Variants in NDUFAF2 observed in about 807,000 individuals in gnomAD.
NDUFAF2 encodes the protein NADH:ubiquinone oxidoreductase complex assembly factor 2.
Under a neutral mutation model 22.8 loss-of-function variants are expected in NDUFAF2, and 13 were observed. The observed-to-expected ratio is 0.57, with a 90% CI of 0.37 to 0.91. NDUFAF2 has a LOEUF of 0.91. NDUFAF2 is among the 40% of genes least tolerant of loss of function. NDUFAF2 has a pLI of 0.01. For missense variants in NDUFAF2, 162 were observed against 195.2 expected, an observed-to-expected ratio of 0.83 and a Z score of 1.01; for synonymous variants, 53 against 64.2, an observed-to-expected ratio of 0.83 and a Z score of 0.84.
intron 1 of NDUFAF2, among the ~76,000 whole-genome samples, chr5:60,961,040 T>G (rs1460777166): frequency 2.0e-5 from 3 of 152,136 alleles, no homozygotes; most frequent in Non-Finnish European, 4.4e-5. Context: ...AAATTATTAT[T>G]GTTGATGGTA....
At chr5:60,948,948 C>G (rs538879169) in intron 1 of NDUFAF2, among the ~76,000 whole-genome samples, 1 of 152,264 alleles carries the variant, frequency 6.6e-6, no homozygotes, top group South Asian at 2.1e-4. Context: ...CTTATCAACA[C>G]TTGGTATGGT....
chr5:61,021,700 T>A (rs1300209826), intron 1 of NDUFAF2, among the ~76,000 whole-genome samples: 1 of 152,228 alleles, frequency 6.6e-6, no homozygotes, highest in African/African-American at 2.4e-5. Flanking sequence ...TTTATGTGTT[T>A]AACAGTATTT....
intron 3 of NDUFAF2, among the ~76,000 whole-genome samples, chr5:61,107,746 A>G (rs1043145173): frequency 6.7e-6 from 1 of 150,152 alleles, no homozygotes; most frequent in African/African-American, 2.5e-5. Flanking sequence ...TACACGTGCC[A>G]TGCTGGTGCG....
intron 3 of NDUFAF2, among the ~76,000 whole-genome samples, chr5:61,151,403 A>T (rs1243425483): frequency 3.3e-5 from 5 of 152,176 alleles, no homozygotes; most frequent in Non-Finnish European, 4.4e-5. Flanking sequence ...CATTACAAAT[A>T]ACATATTCTT....
chr5:60,946,789 C>A (rs1305968269), intron 1 of NDUFAF2, among the ~76,000 whole-genome samples: 2 of 152,192 alleles, frequency 1.3e-5, no homozygotes, highest in African/African-American at 4.8e-5. Flanking sequence ...TTTCCTCCAA[C>A]TCCTTAGTAG....
chr5:61,008,123 AG>A (rs1751394124), intron 1 of NDUFAF2, among the ~76,000 whole-genome samples: 1 of 124,000 alleles, frequency 8.1e-6, no homozygotes, highest in Admixed American at 1.1e-4. Context: ...GGACAGAGGA[AG>A]GGGAACATCA....
chr5:61,016,091 C>T (rs1447498392), intron 1 of NDUFAF2, among the ~76,000 whole-genome samples: 1 of 152,054 alleles, frequency 6.6e-6, no homozygotes, highest in Non-Finnish European at 1.5e-5. Flanking sequence ...GAGGCTGAGG[C>T]AGGAGAATCG....
intron 1 of NDUFAF2, among the ~76,000 whole-genome samples, chr5:61,004,346 G>A (rs2112592857): frequency 6.6e-6 from 1 of 152,026 alleles, no homozygotes; most frequent in Non-Finnish European, 1.5e-5. Flanking sequence ...CCAATGTAAA[G>A]GATAACACTT....
At chr5:61,031,274 T>C (rs890665655) in intron 1 of NDUFAF2, among the ~76,000 whole-genome samples, 2 of 152,108 alleles carry the variant, frequency 1.3e-5, no homozygotes, top group African/African-American at 4.8e-5. Context: ...TCATCTACAT[T>C]AGACATTTCT....
chr5:61,003,739 C>A (rs1239115033), intron 1 of NDUFAF2, among the ~76,000 whole-genome samples: 1 of 150,078 alleles, frequency 6.7e-6, no homozygotes, highest in Non-Finnish European at 1.5e-5. Flanking sequence ...CAACCTCAAA[C>A]TCCTGGTCTC....
At chr5:61,135,269 G>C (rs1740906905) in intron 3 of NDUFAF2, among the ~76,000 whole-genome samples, 1 of 152,000 alleles carries the variant, frequency 6.6e-6, no homozygotes, top group East Asian at 1.9e-4. Flanking sequence ...AGGAGCCAGG[G>C]CTCCTTAGAG....
At chr5:61,101,386 T>C (rs2111770822) in intron 3 of NDUFAF2, among the ~76,000 whole-genome samples, 1 of 152,306 alleles carries the variant, frequency 6.6e-6, no homozygotes, top group Admixed American at 6.5e-5. Flanking sequence ...TACATTATAG[T>C]TTAGACTTGT....
intron 3 of NDUFAF2, among the ~76,000 whole-genome samples, chr5:61,147,534 A>G (rs1741159592): frequency 7.0e-6 from 1 of 142,694 alleles, no homozygotes; most frequent in Admixed American, 7.7e-5. Flanking sequence ...TCAGCCTCCC[A>G]ACGTGCTAGG....
intron 1 of NDUFAF2, among the ~76,000 whole-genome samples, chr5:60,953,703 C>T (rs527944018): frequency 9.9e-5 from 15 of 152,186 alleles, no homozygotes; most frequent in African/African-American, 2.4e-4. Context: ...AAATTCTATA[C>T]GAGCTTAAAA....
intron 1 of NDUFAF2, among the ~76,000 whole-genome samples, chr5:61,010,770 A>C (rs1751433359): frequency 6.6e-6 from 1 of 152,172 alleles, no homozygotes; most frequent in Non-Finnish European, 1.5e-5. Flanking sequence ...ATAGCAAATC[A>C]CTACATTCGC....
At chr5:61,141,751 A>C (rs1741063446) in intron 3 of NDUFAF2, among the ~76,000 whole-genome samples, 1 of 152,182 alleles carries the variant, frequency 6.6e-6, no homozygotes, top group African/African-American at 2.4e-5. Context: ...TGTCCCCTGC[A>C]ACAAGTCCTA....
chr5:61,145,780 G>A (rs1741129079), intron 3 of NDUFAF2: 1 of 152,154 alleles, frequency 6.6e-6, no homozygotes, highest in Non-Finnish European at 1.5e-5. Context: ...CACCGATTTT[G>A]ATACAGCTCA....
intron 1 of NDUFAF2, among the ~76,000 whole-genome samples, chr5:60,966,671 G>T (rs1750761922): frequency 6.6e-6 from 1 of 152,078 alleles, no homozygotes; most frequent in Non-Finnish European, 1.5e-5. Context: ...GATGGTAAAT[G>T]CATGGCTTTA....
chr5:61,058,409 C>T (rs1448016496), intron 1 of NDUFAF2, among the ~76,000 whole-genome samples: 4 of 151,804 alleles, frequency 2.6e-5, no homozygotes, highest in Non-Finnish European at 5.9e-5. Context: ...AGAAAATACT[C>T]TTTTTATATA....
Sources: allele counts gnomAD v4.1 joint callset (sites outside exome capture counted in the v4.1 genomes callset), GRCh38; gene constraint gnomAD v4.1.1; transcripts MANE v1.5; gene names NCBI Gene and HGNC (gene_info 2026-07-23, HGNC 2026-07-21).